The following CXXC5 variants were observed in gnomAD, a reference collection of about 807,000 sequenced individuals.
CXXC5 encodes the protein CXXC finger protein 5, also known as CXXC-type zinc finger protein 5.
CXXC5 carries 2 observed loss-of-function variants against 17.6 expected under a neutral mutation model. The ratio of observed to expected loss-of-function variants is 0.11; its 90% CI spans 0.05 to 0.36. CXXC5 has a LOEUF of 0.36. Ranked by LOEUF, CXXC5 falls within the 10% of genes least tolerant of loss-of-function variation. CXXC5 has a pLI of 1.00. For missense variants in CXXC5, 343 were observed against 458.3 expected, an observed-to-expected ratio of 0.75 and a Z score of 2.30; for synonymous variants, 171 against 193.0, an observed-to-expected ratio of 0.89 and a Z score of 0.94.
Position 139,682,969 on chromosome 5 carries a change from A to G in CXXC5, c.*62A>G. On this transcript the variant is annotated 3_prime_UTR_variant, in exon 3 of 3. Coordinates refer to ENST00000302517, the MANE Select transcript of CXXC5 (RefSeq NM_016463.9). ...GTCACTGCTCGTGTGGTCTCCAGCA[A>G]GGGATTCGGGCGAAGACAAACGGAT... 1 of 1,465,308 alleles carries G rather than the reference A, an allele frequency of 6.8e-7. No homozygotes were observed. The highest frequency in any genetic ancestry group is 2.7e-5 in the East Asian group (1 of 37,612). The allele number at this position is 1,465,308 out of a possible 1,614,324, so 90.8% of individuals were successfully genotyped here.
At chr5:139,652,169 C>T (rs373829341) in intron 1 of CXXC5, among the ~76,000 whole-genome samples, 62,558 of 139,440 alleles carry the variant, frequency 0.45, 15,889 homozygotes, top group African/African-American at 0.71. Flanking sequence ...CGCGCGCGCG[C>T]GCGTGTGTGT....
intron 1 of CXXC5, among the ~76,000 whole-genome samples, chr5:139,678,023 G>A (rs1287680597): frequency 2.0e-5 from 3 of 152,248 alleles, no homozygotes; most frequent in Non-Finnish European, 4.4e-5. Context: ...GGCGGGGGAC[G>A]CACACAGGGG....
chr5:139,674,631 T>A (rs1756677228), intron 1 of CXXC5, among the ~76,000 whole-genome samples: 1 of 152,350 alleles, frequency 6.6e-6, no homozygotes, highest in African/African-American at 2.4e-5. Flanking sequence ...ACAACTTTGT[T>A]GATTTACTAA....
At position 139,681,044 on chromosome 5, in the gene CXXC5, G is replaced by T; in HGVS notation, c.521G>T (p.Arg174Leu). ...QFAQSTEMLK[R>L]VVQEHLPLMS... is the part of the protein sequence containing the mutation. Reference sequence around the variant, plus strand: ...GCGCAGTCCACAGAGATGCTGAAGCGCGTGGTGCAGGAGCATCTCCCGCTG... The same window carrying T: ...GCGCAGTCCACAGAGATGCTGAAGCTCGTGGTGCAGGAGCATCTCCCGCTG... Residue 174 changes from arginine (R) to leucine (L), a missense_variant, in exon 2 of 3, where the codon CGC becomes CTC. Around this residue, in one of 4 missense-constraint regions of CXXC5, gnomAD observed 297 missense variants for 363.4 expected, o/e 0.82. Transcript: ENST00000302517. 6.2e-7 allele frequency: 1 copy of T among 1,610,602 alleles called. No individual in the cohort carries two copies.
intron 1 of CXXC5, among the ~76,000 whole-genome samples, chr5:139,655,560 C>A (rs897289370): frequency 1.3e-5 from 2 of 152,072 alleles, no homozygotes; most frequent in South Asian, 4.1e-4. Flanking sequence ...GACCTACCTC[C>A]CCACACCTCT....
At chr5:139,652,089 T>A (rs915560921) in intron 1 of CXXC5, among the ~76,000 whole-genome samples, 4 of 151,788 alleles carry the variant, frequency 2.6e-5, no homozygotes, top group African/African-American at 4.8e-5. Flanking sequence ...TTCCCTCTTT[T>A]CTTTTTTCTG....
Position 139,682,951 on chromosome 5 carries a change from C to T in CXXC5, c.*44C>T. 6.6e-7 allele frequency: 1 copy of T among 1,523,094 alleles called. No homozygotes were observed. The highest frequency in any genetic ancestry group is 2.0e-5 in the Admixed American group (1 of 50,278). The allele number at this position is 1,523,094 out of a possible 1,614,324, so 94.3% of individuals were successfully genotyped here. Reference sequence around the variant, plus strand: ...CTGCCCTCTCCGTGCAATGTCACTGCTCGTGTGGTCTCCAGCAAGGGATTC... The same window carrying T: ...CTGCCCTCTCCGTGCAATGTCACTGTTCGTGTGGTCTCCAGCAAGGGATTC... On this transcript the variant is annotated 3_prime_UTR_variant, in exon 3 of 3. Transcript: ENST00000302517.
At position 139,681,183 on chromosome 5, in the gene CXXC5, C is replaced by T. The variant is rs1204353189; in HGVS notation, c.660C>T (p.Leu220=). ...YLGAFPINPG[L]FIMTPAGVFL... is the part of the protein sequence containing the mutation. ...GCGCTTTCCCCATCAACCCAGGCCT[C>T]TTCATTATGACCCCGGCAGGTGTGT... Residue 220 remains leucine (L), a synonymous_variant, in exon 2 of 3, where the codon CTC becomes CTT. Transcript: ENST00000302517. 1 of 1,612,836 alleles carries T rather than the reference C, an allele frequency of 6.2e-7. No homozygotes were observed. Among genetic ancestry groups the T allele is most frequent in the Non-Finnish European group, 8.5e-7 (1 of 1,179,994 alleles).
At chr5:139,673,248 GC>G (rs1163996192) in intron 1 of CXXC5, among the ~76,000 whole-genome samples, 1 of 152,176 alleles carries the variant, frequency 6.6e-6, no homozygotes, top group Non-Finnish European at 1.5e-5. Flanking sequence ...CATAGGAAGA[GC>G]CCCATACTTG....
Position 139,681,247 on chromosome 5 carries a change from G to A in CXXC5, c.724G>A (p.Glu242Lys). ...ESALHMAGLA[E>K]YPMQGELASA... ...CGCGCTGCACATGGCGGGCCTGGCT[G>A]AGTACCCCATGCAGGGAGAGCTGGC... is the stretch of plus-strand genomic sequence containing the variant. The change falls in exon 2 of 3, where the codon GAG (glutamate) becomes AAG (lysine). Residue 242 changes from glutamate to lysine, a missense_variant. This residue lies in a region of CXXC5 where 297 missense variants were observed against 363.4 expected (regional missense o/e 0.82). Coordinates refer to ENST00000302517, the MANE Select transcript of CXXC5 (RefSeq NM_016463.9). 1 of 1,612,102 alleles carries A rather than the reference G, an allele frequency of 6.2e-7. No individual in the cohort carries two copies. The highest frequency in any genetic ancestry group is 2.2e-5 in the East Asian group (1 of 44,856).
At chr5:139,660,693 G>A (rs1228524527) in intron 1 of CXXC5, among the ~76,000 whole-genome samples, 1 of 151,486 alleles carries the variant, frequency 6.6e-6, no homozygotes, top group African/African-American at 2.4e-5. Flanking sequence ...CCTCATGTGG[G>A]TGGGGCCACT....
At chr5:139,652,266 ACT>A (rs1755255095) in intron 1 of CXXC5, among the ~76,000 whole-genome samples, 1 of 151,720 alleles carries the variant, frequency 6.6e-6, no homozygotes, top group Admixed American at 6.6e-5. Context: ...CATAGCTGGA[ACT>A]CACCAGACCA....
rs984238481 is a variant in CXXC5, at chr5:139,673,879, C to T, written c.-160-6485C>T. The stretch of plus-strand genomic sequence containing the variant: ...AAGAGAGAGAGAAAACAGAGCTCTA[C>T]ATACTCCAGGTTTGCTCAAACCCTT... On this transcript the variant is annotated intron_variant, in intron 1 of 2. Coordinates refer to ENST00000302517, the MANE Select transcript of CXXC5 (RefSeq NM_016463.9). Among the ~76,000 whole-genome samples, 23 of 151,196 alleles carry T rather than the reference C, an allele frequency of 1.5e-4. 1 individual carries two copies. Among genetic ancestry groups the T allele is most frequent in the Admixed American group, 1.2e-3 (18 of 15,178 alleles).
chr5:139,679,345 G>A (rs1476980298), intron 1 of CXXC5, among the ~76,000 whole-genome samples: 6 of 152,246 alleles, frequency 3.9e-5, no homozygotes, highest in East Asian at 1.9e-4. Flanking sequence ...AGAAGGAAGC[G>A]TGTGCCAGGG....
At chr5:139,655,854 C>T (rs889225949) in intron 1 of CXXC5, among the ~76,000 whole-genome samples, 3 of 152,170 alleles carry the variant, frequency 2.0e-5, no homozygotes, top group Non-Finnish European at 4.4e-5. Context: ...CTGGCTGCTG[C>T]GCTCTGCTTA....
rs778903427 is a variant in CXXC5, at chr5:139,670,886, C to T, written c.-160-9478C>T. ...ACATTCACAGTCCACTGGACACACA[C>T]ACAGTTGTGCAGCACACCTCCCAGG... On this transcript the variant is annotated intron_variant, in intron 1 of 2. Transcript: ENST00000302517. The surrounding 1 kb of genome is among the most constrained non-coding windows in gnomAD (Gnocchi z 4.2). 3.5e-4 allele frequency among the ~76,000 whole-genome samples: 54 copies of T among 152,382 alleles called. No individual in the cohort carries two copies. Among genetic ancestry groups the T allele is most frequent in the Non-Finnish European group, 5.7e-4 (39 of 68,036 alleles).
intron 1 of CXXC5, among the ~76,000 whole-genome samples, chr5:139,655,255 G>T (rs1755424428): frequency 6.6e-6 from 1 of 152,122 alleles, no homozygotes; most frequent in Non-Finnish European, 1.5e-5. Context: ...GATGGAGGTG[G>T]TGGAGAGACA....
rs1182799212 is a variant in CXXC5 at position 139,661,826 on chromosome 5, A to G, written c.-161+12981A>G. On this transcript the variant is annotated intron_variant, in intron 1 of 2. Transcript: ENST00000302517. This position sits in a 1 kb window ranked among gnomAD's most constrained non-coding sequence, Gnocchi z 4.7. ...GCAAGGTGTGGGTGGGGAAGTGGAG[A>G]TGGTTTTTTCCCATAGCCAACCTGG... Among the ~76,000 whole-genome samples the G allele has an allele frequency of 3.9e-5, 6 of 152,146 alleles. No individual in the cohort carries two copies. Among genetic ancestry groups the G allele is most frequent in the African/African-American group, 1.4e-4 (6 of 41,426 alleles).
intron 1 of CXXC5, among the ~76,000 whole-genome samples, chr5:139,671,549 C>T (rs1303303556): frequency 6.6e-6 from 1 of 152,222 alleles, no homozygotes; most frequent in Non-Finnish European, 1.5e-5. Context: ...CTCTGTGCGG[C>T]CGGCTGGGCT....
Sources: gnomAD v4.1 joint callset for allele counts (sites outside exome capture counted in the v4.1 genomes callset) on GRCh38, gnomAD v4.1.1 for gene constraint, gnomAD v4.1.1 regional missense constraint, Gnocchi (gnomAD v3.1) non-coding constraint, MANE v1.5 for transcripts, NCBI Gene and HGNC (gene_info 2026-07-23, HGNC 2026-07-21) for gene names.